The following TACC1 variants were observed in gnomAD, a reference collection of about 807,000 sequenced individuals.
The protein encoded by TACC1 is transforming acidic coiled-coil-containing protein 1.
Under a neutral mutation model 84.4 loss-of-function variants are expected in TACC1, and 48 were observed. The observed-to-expected ratio is 0.57, with a 90% CI of 0.45 to 0.72. TACC1 has a LOEUF of 0.72. Ranked by LOEUF, TACC1 falls within the 30% of genes least tolerant of loss-of-function variation. TACC1 has a pLI of 0.00. For missense variants in TACC1, 920 were observed against 973.0 expected (o/e 0.95, Z 0.72); for synonymous variants, 372 against 376.3 (o/e 0.99, Z 0.13).
At chr8:38,762,902 G>A (rs1398080776) in intron 3 of TACC1, among the ~76,000 whole-genome samples, 3 of 152,108 alleles carry the variant, frequency 2.0e-5, no homozygotes, top group Non-Finnish European at 2.9e-5. Flanking sequence ...ATACAAGTAC[G>A]TGTGAGTCCC....
At chr8:38,783,830 G>A (rs887763637), upstream of TACC1, among the ~76,000 whole-genome samples, 3 of 152,142 alleles carry the variant, frequency 2.0e-5, no homozygotes, top group East Asian at 1.9e-4. Flanking sequence ...TCCTGATTTC[G>A]GTGTTTGGGT....
intron 1 of TACC1, among the ~76,000 whole-genome samples, chr8:38,738,220 G>A (rs1806364698): frequency 6.6e-6 from 1 of 151,826 alleles, no homozygotes; most frequent in Non-Finnish European, 1.5e-5. Context: ...GGGCAATATA[G>A]TGAGACACCC....
At chr8:38,768,000 C>G (rs1023365487) in intron 3 of TACC1, among the ~76,000 whole-genome samples, 8 of 151,392 alleles carry the variant, frequency 5.3e-5, no homozygotes, top group Non-Finnish European at 1.2e-4. Context: ...CCCAGGAACT[C>G]GAGGCTGCAG....
At chr8:38,821,858 C>T (rs908257203) in intron 3 of TACC1, among the ~76,000 whole-genome samples, 1 of 152,106 alleles carries the variant, frequency 6.6e-6, no homozygotes, top group African/African-American at 2.4e-5. Flanking sequence ...GTGGTGAAAC[C>T]TACTACACAC....
chr8:38,792,469 T>C (rs1327030388), intron 2 of TACC1, among the ~76,000 whole-genome samples: 5 of 150,656 alleles, frequency 3.3e-5, no homozygotes, highest in Non-Finnish European at 7.4e-5. Context: ...AATTTTTTGT[T>C]TTGTTTTGTT....
intron 3 of TACC1, chr8:38,823,920 C>A: frequency 8.7e-7 from 1 of 1,150,082 alleles, no homozygotes; most frequent in Admixed American, 1.9e-5. Flanking sequence ...GTTGAATATT[C>A]CAGTCTTTAC....
intron 11 of TACC1, among the ~76,000 whole-genome samples, chr8:38,844,644 C>T (rs1427095603): frequency 6.6e-6 from 1 of 152,174 alleles, no homozygotes; most frequent in African/African-American, 2.4e-5. Context: ...GGGACACCAG[C>T]CCTTTGTGAT....
intron 3 of TACC1, among the ~76,000 whole-genome samples, chr8:38,771,577 A>G (rs902421863): frequency 3.9e-5 from 6 of 152,204 alleles, no homozygotes; most frequent in African/African-American, 1.4e-4. Flanking sequence ...GTGAGGGTGT[A>G]CAACATGACT....
At position 38,745,554 on chromosome 8, in the gene TACC1, T is replaced by C. The variant is rs1221710179; in HGVS notation, c.26+61T>C. On this transcript the variant is annotated intron_variant, in intron 3 of 14. Transcript: ENST00000518415. ...CTGTTTGTTTGTTTGTTTTTGTTTT[T>C]GTTTTTTGAGATGGAATCTTGCTCT... 3.3e-5 allele frequency: 22 copies of C among 673,132 alleles called. No individual in the cohort carries two copies. In the Admixed American group the frequency reaches 5.1e-4, roughly 16 times the overall value. The allele number at this position is 673,132 out of a possible 1,614,324, so 41.7% of individuals were successfully genotyped here.
chr8:38,792,567 G>A (rs970869234), intron 2 of TACC1, among the ~76,000 whole-genome samples: 1 of 152,126 alleles, frequency 6.6e-6, no homozygotes, highest in Non-Finnish European at 1.5e-5. Context: ...CTGGGTTCAC[G>A]CCATTCTTCT....
At chr8:38,760,274 T>C (rs530518597) in intron 3 of TACC1, among the ~76,000 whole-genome samples, 2 of 152,318 alleles carry the variant, frequency 1.3e-5, no homozygotes, top group South Asian at 4.1e-4. Flanking sequence ...TTATTGAGAA[T>C]TGTAGCTGCT....
chr8:38,759,178 G>C (rs1271579683), intron 3 of TACC1, among the ~76,000 whole-genome samples: 2 of 152,146 alleles, frequency 1.3e-5, no homozygotes, highest in Non-Finnish European at 2.9e-5. Flanking sequence ...CTTAATGCTG[G>C]AGATCTTTTA....
chr8:38,792,434 T>C (rs982775484), intron 2 of TACC1, among the ~76,000 whole-genome samples: 2 of 151,918 alleles, frequency 1.3e-5, no homozygotes, highest in Non-Finnish European at 2.9e-5. Context: ...GCTGGGACTA[T>C]AGGCACACAC....
intron 3 of TACC1, among the ~76,000 whole-genome samples, chr8:38,754,334 C>T (rs150381755): frequency 9.2e-5 from 14 of 152,264 alleles, no homozygotes; most frequent in African/African-American, 3.4e-4. Context: ...CCCGGCAGCC[C>T]GTCCTGTCTA....
chr8:38,837,185 C>T (rs946667392), intron 7 of TACC1, among the ~76,000 whole-genome samples: 6 of 141,676 alleles, frequency 4.2e-5, no homozygotes, highest in African/African-American at 1.6e-4. Context: ...GAGGCCAAGG[C>T]GGGCGGATCA....
At position 38,836,285 on chromosome 8, in the gene TACC1, G is replaced by A. The variant is rs1400634225; in HGVS notation, c.1837G>A (p.Glu613Lys). 6.2e-7 allele frequency: 1 copy of A among 1,607,540 alleles called. No homozygotes were observed. Among genetic ancestry groups the A allele is most frequent in the Admixed American group, 1.7e-5 (1 of 59,984 alleles). The change falls in exon 7 of 13, where the codon GAG becomes AAG. Residue 613 changes from glutamate to lysine, a missense_variant and splice_region_variant. Physicochemically the swap from Glu to Lys is moderately conservative, Grantham distance 56. Coordinates refer to ENST00000317827, the MANE Select transcript of TACC1 (RefSeq NM_006283.3). ...KTAVLTLIREEIITKEIEANE... is the reference protein window; with the variant it reads ...KTAVLTLIREKIITKEIEANE... ...AGCCGTGCTCACCTTAATAAGAGAAGAGGTAAAAGCTCTCCTGTTTAGTCT... is the reference window on the plus strand; with the variant it reads ...AGCCGTGCTCACCTTAATAAGAGAAAAGGTAAAAGCTCTCCTGTTTAGTCT...
intron 1 of TACC1, among the ~76,000 whole-genome samples, chr8:38,737,839 T>G (rs1033105190): frequency 6.6e-6 from 1 of 151,872 alleles, no homozygotes; most frequent in African/African-American, 2.4e-5. Flanking sequence ...GCGATTCTCC[T>G]GCCTCAGCCT....
Position 38,820,479 on chromosome 8 carries a change from A to T in TACC1, c.1235A>T (p.Glu412Val), listed in dbSNP as rs1426950562. Residue 412 changes from glutamate to valine, a missense_variant, in exon 3 of 13, where the codon GAG becomes GTG. This residue lies in a region of TACC1 where 762 missense variants were observed against 747.3 expected (regional missense o/e 1.02). Coordinates refer to ENST00000317827, the MANE Select transcript of TACC1 (RefSeq NM_006283.3). ...CAGAACTCCCCACCCCTCTCTTCTG[A>T]GGGCTCCTACCACTTTGACCCAGAT... ...VLQNSPPLSSEGSYHFDPDNF... is the reference protein window; with the variant it reads ...VLQNSPPLSSVGSYHFDPDNF... 2.5e-6 allele frequency: 4 copies of T among 1,614,124 alleles called. No homozygotes were observed. The South Asian group carries it at 4.4e-5, about 18-fold the overall frequency.
At chr8:38,839,330 GGA>G (rs1830788036) in intron 8 of TACC1, 3 of 396,088 alleles carry the variant, frequency 7.6e-6, no homozygotes, top group Non-Finnish European at 1.3e-5. Flanking sequence ...CTTTTAGAAA[GGA>G]GAGTTATGAG....
Sources: gnomAD v4.1 joint callset for allele counts (sites outside exome capture counted in the v4.1 genomes callset) on GRCh38, gnomAD v4.1.1 for gene constraint, gnomAD v4.1.1 regional missense constraint, MANE v1.5 for transcripts, NCBI Gene and HGNC (gene_info 2026-07-23, HGNC 2026-07-21) for gene names.